NOX4: variants seen among roughly 807,000 people sequenced by gnomAD.
The protein encoded by NOX4 is NADPH oxidase 4, also known as kidney oxidase-1.
A neutral mutation model predicts 87.6 loss-of-function variants in NOX4; 69 were observed. The observed-to-expected ratio is 0.79, with a 90% confidence interval of 0.65 to 0.96. NOX4 has a LOEUF of 0.96. NOX4 is among the 40% of genes least tolerant of loss of function. The pLI is 0.00. For synonymous variants in NOX4, 275 were observed against 238.2 expected, an observed-to-expected ratio of 1.15 and a Z score of -1.42; for missense variants, 680 against 681.5, an observed-to-expected ratio of 1.00 and a Z score of 0.02.
intron 17 of NOX4, among the ~76,000 whole-genome samples, chr11:89,333,885 T>G (rs1853320282): frequency 6.6e-6 from 1 of 151,776 alleles, no homozygotes; most frequent in East Asian, 1.9e-4. Context: ...TTGTACAAAA[T>G]GTCAACAGCA....
intron 8 of NOX4, among the ~76,000 whole-genome samples, chr11:89,421,190 G>T (rs1943066601): frequency 6.6e-6 from 1 of 152,160 alleles, no homozygotes; most frequent in Non-Finnish European, 1.5e-5. Flanking sequence ...GACTTATTAT[G>T]TCATGCAGGT....
At chr11:89,473,562 A>G (rs372611344) in intron 2 of NOX4, among the ~76,000 whole-genome samples, 13 of 152,262 alleles carry the variant, frequency 8.5e-5, no homozygotes, top group East Asian at 7.7e-4. Context: ...TAAAACTCAT[A>G]TAGTGAATAT....
At chr11:89,455,956 C>T (rs1408766652) in intron 2 of NOX4, among the ~76,000 whole-genome samples, 2 of 151,880 alleles carry the variant, frequency 1.3e-5, no homozygotes, top group African/African-American at 4.8e-5. Context: ...CAATGGTTAA[C>T]AGGTACATGA....
chr11:89,451,130 G>C (rs961797824), intron 3 of NOX4, among the ~76,000 whole-genome samples: 1 of 151,082 alleles, frequency 6.6e-6, no homozygotes, highest in South Asian at 2.1e-4. Flanking sequence ...GAGTTAATGG[G>C]TACAGCACAC....
the NOX4 span, among the ~76,000 whole-genome samples, chr11:89,582,711 G>A: frequency 6.6e-6 from 1 of 152,178 alleles, no homozygotes; most frequent in East Asian, 1.9e-4. Context: ...AAAGTTTAAC[G>A]TTGAAACTCA....
At chr11:89,393,255 T>A (rs565834400) in intron 11 of NOX4, among the ~76,000 whole-genome samples, 1 of 152,112 alleles carries the variant, frequency 6.6e-6, no homozygotes, top group Admixed American at 6.6e-5. Context: ...CGAAGAATTG[T>A]CTGATCCAAT....
intron 12 of NOX4, among the ~76,000 whole-genome samples, chr11:89,367,713 C>A (rs1163156404): frequency 6.6e-6 from 1 of 151,980 alleles, no homozygotes; most frequent in African/African-American, 2.4e-5. Context: ...ATATAAAGGG[C>A]AAATTTGATT....
At chr11:89,396,619 G>A (rs1315501260) in intron 11 of NOX4, among the ~76,000 whole-genome samples, 1 of 152,000 alleles carries the variant, frequency 6.6e-6, no homozygotes, top group Non-Finnish European at 1.5e-5. Context: ...AAGGGAGGGA[G>A]GAAGATCTAC....
At chr11:89,541,986 T>G in the NOX4 span, among the ~76,000 whole-genome samples, 3 of 152,160 alleles carry the variant, frequency 2.0e-5, no homozygotes, top group Middle Eastern at 3.4e-3. Flanking sequence ...TTGTAGTTTT[T>G]TTTTTGTAGA....
the NOX4 span, among the ~76,000 whole-genome samples, chr11:89,503,644 T>C: frequency 6.6e-6 from 1 of 151,658 alleles, no homozygotes; most frequent in Non-Finnish European, 1.5e-5. Flanking sequence ...CACTGAACCC[T>C]GGCTCTGCCA....
chr11:89,338,408 G>C (rs544425295), intron 15 of NOX4, among the ~76,000 whole-genome samples: 1 of 152,146 alleles, frequency 6.6e-6, no homozygotes, highest in South Asian at 2.1e-4. Context: ...TATTTGGGTT[G>C]TTTCCATCCT....
At chr11:89,561,015 T>TATATATTATATATATATATATATAC in the NOX4 span, among the ~76,000 whole-genome samples, 2 of 80,532 alleles carry the variant, frequency 2.5e-5, no homozygotes, top group African/African-American at 1.2e-4. Flanking sequence ...TATATATATA[T>TATATATTATATATATATATATATAC]ATATACATAC....
At chr11:89,516,275 T>C in the NOX4 span, among the ~76,000 whole-genome samples, 1 of 152,100 alleles carries the variant, frequency 6.6e-6, no homozygotes, top group Non-Finnish European at 1.5e-5. Context: ...TAAACAGTCC[T>C]ATATCTTTTA....
chr11:89,517,211 AG>A, the NOX4 span, among the ~76,000 whole-genome samples: 1 of 152,114 alleles, frequency 6.6e-6, no homozygotes, highest in East Asian at 1.9e-4. Context: ...GTTTCTAACA[AG>A]GACCTTTTTC....
intron 1 of NOX4, chr11:89,490,763 G>A (rs2304500): frequency 0.59 from 412,473 of 694,984 alleles, 129,235 homozygotes; most frequent in Non-Finnish European, 0.68. Flanking sequence ...CTGAGACTAA[G>A]CATTTGGGTT....
intron 7 of NOX4, among the ~76,000 whole-genome samples, chr11:89,427,242 CA>C (rs1477036862): frequency 8.5e-5 from 13 of 152,086 alleles, no homozygotes; most frequent in African/African-American, 3.1e-4. Context: ...CATCAAAGAC[CA>C]AAGACAGATA....
chr11:89,563,737 A>G, the NOX4 span, among the ~76,000 whole-genome samples: 1 of 152,166 alleles, frequency 6.6e-6, no homozygotes, highest in Non-Finnish European at 1.5e-5. Context: ...GTAGAAAATG[A>G]ATTTATATGA....
the NOX4 span, among the ~76,000 whole-genome samples, chr11:89,564,956 GA>G: frequency 2.0e-5 from 3 of 152,160 alleles, no homozygotes; most frequent in South Asian, 6.2e-4. Flanking sequence ...TGTGTGAAGT[GA>G]AAATTTTTCC....
chr11:89,381,467 C>G (rs948297978), intron 11 of NOX4, among the ~76,000 whole-genome samples: 1 of 151,816 alleles, frequency 6.6e-6, no homozygotes, highest in African/African-American at 2.4e-5. Context: ...ACTTTGTGAC[C>G]CCCATCCCTG....
Sources: allele counts gnomAD v4.1 joint callset (sites outside exome capture counted in the v4.1 genomes callset), GRCh38; gene constraint gnomAD v4.1.1; transcripts MANE v1.5; gene names NCBI Gene and HGNC (gene_info 2026-07-23, HGNC 2026-07-21).